The following STAT4 variants were observed in gnomAD, a reference collection of about 807,000 sequenced individuals.
STAT4 encodes signal transducer and activator of transcription 4.
STAT4 carries 42 observed loss-of-function variants against 110.5 expected under a neutral mutation model. That is an observed-to-expected ratio of 0.38 (90% CI 0.30 to 0.49). The LOEUF is 0.49. Among genes scored for constraint, STAT4 ranks in the 20% least tolerant of loss-of-function variants. STAT4 has a pLI of 0.95. For synonymous variants in STAT4, 284 were observed against 302.2 expected (o/e 0.94, Z 0.63); for missense variants, 632 against 887.9 (o/e 0.71, Z 3.66).
chr2:191,043,487 T>A lies in STAT4; in HGVS notation c.1252-2339A>T, dbSNP rs1440280108. Among the ~76,000 whole-genome samples, 2 of 152,216 alleles carry A rather than the reference T, an allele frequency of 1.3e-5. No homozygotes were observed. The highest frequency in any genetic ancestry group is 1.3e-4 in the Admixed American group (2 of 15,276). On this transcript the variant is annotated intron_variant, in intron 14 of 23. Coordinates refer to ENST00000392320, the MANE Select transcript of STAT4 (RefSeq NM_003151.4). The surrounding 1 kb of genome is among the most constrained non-coding windows in gnomAD (Gnocchi z 4.8). ...ACTTATGCAATTGTTACAATCACTT[T>A]GGAGAACAATTCCTCAGTATCTAGA... is the stretch of plus-strand genomic sequence containing the variant.
intron 16 of STAT4, 92 bp from the exon 17 acceptor site, chr2:191,036,391 CCA>C: frequency 3.1e-6 from 4 of 1,307,320 alleles, no homozygotes; most frequent in Non-Finnish European, 4.3e-6. Context: ...CCCCCTCTCC[CCA>C]CACACATACT....
chr2:191,088,450 T>C (rs950628209), intron 3 of STAT4, among the ~76,000 whole-genome samples: 1 of 152,206 alleles, frequency 6.6e-6, no homozygotes, highest in African/African-American at 2.4e-5. Context: ...ATATTCACTT[T>C]AGGCAGAAAT....
chr2:191,067,842 C>T (rs1235004965), intron 6 of STAT4, among the ~76,000 whole-genome samples: 1 of 152,136 alleles, frequency 6.6e-6, no homozygotes, highest in Non-Finnish European at 1.5e-5. Context: ...CATTCATGTT[C>T]ATGAAAAATG....
Position 191,117,733 on chromosome 2 carries a change from A to G in STAT4, c.273+28880T>C, listed in dbSNP as rs1202764185. Among the ~76,000 whole-genome samples, 1 of 152,046 alleles carries G rather than the reference A, an allele frequency of 6.6e-6. No homozygotes were observed. Among genetic ancestry groups the G allele is most frequent in the Non-Finnish European group, 1.5e-5 (1 of 68,004 alleles). The stretch of plus-strand genomic sequence containing the variant: ...TACAAAATACCCACATCCTAAATCC[A>G]CCATTGCTTATTTTTCTTCCGATGC... On this transcript the variant is annotated intron_variant, in intron 3 of 23. Transcript: ENST00000392320. The surrounding 1 kb of genome is among the most constrained non-coding windows in gnomAD (Gnocchi z 5.2).
Position 191,144,747 on chromosome 2 carries a change from G to A in STAT4, c.273+1866C>T, listed in dbSNP as rs987984047. ...TGTTTTCTTACCCCTGATTTACACT[G>A]AGAAAATCCTGCTATTTTACCTACC... On this transcript the variant is annotated intron_variant, in intron 3 of 23. Coordinates refer to ENST00000392320, the MANE Select transcript of STAT4 (RefSeq NM_003151.4). This position sits in a 1 kb window ranked among gnomAD's most constrained non-coding sequence, Gnocchi z 4.7. Among the ~76,000 whole-genome samples the A allele has an allele frequency of 2.0e-5, 3 of 152,128 alleles. No homozygotes were observed. The highest frequency in any genetic ancestry group is 6.5e-5 in the Admixed American group (1 of 15,284).
intron 3 of STAT4, among the ~76,000 whole-genome samples, chr2:191,137,227 C>T (rs1699204425): frequency 6.6e-6 from 1 of 151,982 alleles, no homozygotes; most frequent in Admixed American, 6.6e-5. Context: ...CCTGTAGTCC[C>T]AGCTACTCTT....
intron 3 of STAT4, among the ~76,000 whole-genome samples, chr2:191,139,587 C>T (rs1699268461): frequency 6.6e-6 from 1 of 152,114 alleles, no homozygotes; most frequent in African/African-American, 2.4e-5. Flanking sequence ...CAAAATACTG[C>T]TGAAAGAAAG....
At chr2:191,095,447 G>C (rs1266807713) in intron 3 of STAT4, among the ~76,000 whole-genome samples, 2 of 152,094 alleles carry the variant, frequency 1.3e-5, no homozygotes, top group African/African-American at 4.8e-5. Flanking sequence ...TTAGAACTCA[G>C]GATTAAGAAA....
rs1696856084 is a variant in STAT4 at position 191,061,744 on chromosome 2, A to T, written c.1019T>A (p.Phe340Tyr). ...TTTTGCCTACCTTAGTTTTACAGTG[A>T]ACTGAATTAGGGTTTTAAGTACCAA... Reference protein sequence around the residue: ...RPLVLKTLIQFTVKLRLLIKL... With the variant: ...RPLVLKTLIQYTVKLRLLIKL... Residue 340 changes from phenylalanine (F) to tyrosine (Y), a missense_variant, in exon 10 of 24, where the codon TTC becomes TAC. Transcript: ENST00000392320. This position sits in a 1 kb window ranked among gnomAD's most constrained non-coding sequence, Gnocchi z 6.2. 6.2e-7 allele frequency: 1 copy of T among 1,613,906 alleles called. No individual in the cohort carries two copies. Among genetic ancestry groups the T allele is most frequent in the South Asian group, 1.1e-5 (1 of 91,080 alleles).
At chr2:191,040,438 C>T (rs1348501881) in intron 15 of STAT4, among the ~76,000 whole-genome samples, 2 of 152,156 alleles carry the variant, frequency 1.3e-5, no homozygotes, top group Non-Finnish European at 2.9e-5. Context: ...TCTCTTTAGG[C>T]TTTCCACTGA....
intron 3 of STAT4, among the ~76,000 whole-genome samples, chr2:191,119,610 T>C (rs1475209735): frequency 2.6e-5 from 4 of 152,220 alleles, no homozygotes; most frequent in Non-Finnish European, 4.4e-5. Flanking sequence ...CCCAAAATTA[T>C]CTATAGATTT....
rs1200906075 is a variant in STAT4 at position 191,104,555 on chromosome 2, G to A, written c.274-28230C>T. Among the ~76,000 whole-genome samples the A allele has an allele frequency of 6.6e-6, 1 of 152,098 alleles. No homozygotes were observed. Among genetic ancestry groups the A allele is most frequent in the Non-Finnish European group, 1.5e-5 (1 of 68,020 alleles). ...AATAGACCAGAAAACTGCCATAGAA[G>A]TCTTTGAAGCTGAAATAAAATTGTC... On this transcript the variant is annotated intron_variant, in intron 3 of 23. Transcript: ENST00000392320. The surrounding 1 kb of genome is among the most constrained non-coding windows in gnomAD (Gnocchi z 4.3).
intron 6 of STAT4, chr2:191,068,109 C>T (rs1431606622): frequency 6.6e-6 from 1 of 152,116 alleles, no homozygotes; most frequent in Non-Finnish European, 1.5e-5. Flanking sequence ...TTGTATTTTT[C>T]TTTTCACTTA....
intron 3 of STAT4, among the ~76,000 whole-genome samples, chr2:191,122,253 T>C (rs1574177252): frequency 1.3e-5 from 2 of 151,486 alleles, no homozygotes; most frequent in Admixed American, 6.6e-5. Context: ...ATTCTCAACA[T>C]TATTAATCAT....
In STAT4 at chr2:191,148,584, T is replaced by C. The variant is rs544428312; in HGVS notation, c.-1-380A>G. On this transcript the variant is annotated intron_variant, in intron 1 of 23. Coordinates refer to ENST00000392320, the MANE Select transcript of STAT4 (RefSeq NM_003151.4). ...TGGAGCAACTTGAAGGCAAACGTAT[T>C]TGACATTTACTATACCTCCTAAAAC... 1.1e-4 allele frequency among the ~76,000 whole-genome samples: 16 copies of C among 152,342 alleles called. No individual in the cohort carries two copies. In the South Asian group the frequency reaches 3.3e-3, roughly 32 times the overall value.
At chr2:191,054,126 C>CAAAA (rs1351116378) in intron 14 of STAT4, among the ~76,000 whole-genome samples, 5 of 51,768 alleles carry the variant, frequency 9.7e-5, no homozygotes, top group Non-Finnish European at 2.1e-4. Context: ...AGACCCTTCT[C>CAAAA]AAAAAAAAAA....
chr2:191,036,370 A>C, intron 16 of STAT4, 71 bp from the exon 17 acceptor site: 1 of 1,519,014 alleles, frequency 6.6e-7, no homozygotes, highest in Non-Finnish European at 9.0e-7. Flanking sequence ...TGAGCAGGGC[A>C]AGAGAGGTCT....
intron 5 of STAT4, 108 bp from the exon 6 acceptor site, chr2:191,069,879 G>T: frequency 2.5e-6 from 2 of 787,220 alleles, no homozygotes; most frequent in Non-Finnish European, 4.1e-6. Flanking sequence ...ATCTCCAACA[G>T]CAACCAAAGA....
rs1697752013 is a variant in STAT4 at position 191,090,195 on chromosome 2, C to T, written c.274-13870G>A. Among the ~76,000 whole-genome samples, 1 of 152,048 alleles carries T rather than the reference C, an allele frequency of 6.6e-6. No individual in the cohort carries two copies. Among genetic ancestry groups the T allele is most frequent in the Non-Finnish European group, 1.5e-5 (1 of 68,002 alleles). ...GGGAAAGTATTCTCTGTACTTTTTG[C>T]TCAATTTTTCTGTAAACCAAAGATT... On this transcript the variant is annotated intron_variant, in intron 3 of 23. Coordinates refer to ENST00000392320, the MANE Select transcript of STAT4 (RefSeq NM_003151.4). The surrounding 1 kb of genome is among the most constrained non-coding windows in gnomAD (Gnocchi z 4.2).
Sources: allele counts gnomAD v4.1 joint callset (sites outside exome capture counted in the v4.1 genomes callset), GRCh38; gene constraint gnomAD v4.1.1; non-coding constraint Gnocchi (gnomAD v3.1); transcripts MANE v1.5; gene names NCBI Gene and HGNC (gene_info 2026-07-23, HGNC 2026-07-21).